FRMD5: variants seen among roughly 807,000 people sequenced by gnomAD.
FRMD5 encodes FERM domain containing 5.
A neutral mutation model predicts 69.0 loss-of-function variants in FRMD5; 20 were observed. The observed-to-expected ratio is 0.29, with a 90% confidence interval of 0.20 to 0.42. The LOEUF (loss-of-function observed/expected upper bound fraction) is 0.42. Among genes scored for constraint, FRMD5 ranks in the 10% least tolerant of loss-of-function variants. The probability of loss-of-function intolerance (pLI) is 1.00; values close to 1 mark genes in which losing one functional copy is unlikely to be tolerated. For synonymous variants in FRMD5, 271 were observed against 260.1 expected, an observed-to-expected ratio of 1.04 and a Z score of -0.40; for missense variants, 595 against 708.6, an observed-to-expected ratio of 0.84 and a Z score of 1.82.
intron 1 of FRMD5, among the ~76,000 whole-genome samples, chr15:43,941,601 T>C (rs1227419373): frequency 6.6e-6 from 1 of 152,214 alleles, no homozygotes; most frequent in Non-Finnish European, 1.5e-5. Context: ...TATGCCCACT[T>C]CTTGAAATAT....
chr15:44,088,948 CCAGT>C (rs375080033), intron 1 of FRMD5, among the ~76,000 whole-genome samples: 9 of 152,208 alleles, frequency 5.9e-5, no homozygotes, highest in African/African-American at 1.7e-4. Flanking sequence ...TTCTCCTGAC[CCAGT>C]CAAAGTGGCT....
At chr15:44,007,082 C>A (rs1890484790) in intron 1 of FRMD5, among the ~76,000 whole-genome samples, 1 of 152,196 alleles carries the variant, frequency 6.6e-6, no homozygotes, top group Non-Finnish European at 1.5e-5. Context: ...CAGCCACCAC[C>A]CTGACCAGTC....
intron 1 of FRMD5, among the ~76,000 whole-genome samples, chr15:44,101,786 T>C (rs1009029649): frequency 6.6e-6 from 1 of 152,258 alleles, no homozygotes; most frequent in African/African-American, 2.4e-5. Flanking sequence ...GTTATGACAT[T>C]GTTTCCTCTG....
intron 1 of FRMD5, among the ~76,000 whole-genome samples, chr15:44,022,466 C>T (rs201655839): frequency 6.7e-5 from 10 of 149,152 alleles, no homozygotes; most frequent in East Asian, 2.0e-4. Context: ...CTCAGCTACT[C>T]GGGAGGCTGA....
chr15:44,087,322 A>G (rs983513523), intron 1 of FRMD5, among the ~76,000 whole-genome samples: 1 of 152,156 alleles, frequency 6.6e-6, no homozygotes, highest in African/African-American at 2.4e-5. Context: ...CGCCCGCCCA[A>G]GTTTTAAAAT....
intron 7 of FRMD5, among the ~76,000 whole-genome samples, chr15:43,893,044 C>T (rs1354943364): frequency 6.6e-6 from 1 of 150,504 alleles, no homozygotes; most frequent in Non-Finnish European, 1.5e-5. Flanking sequence ...GTGGAGGTTG[C>T]AGTGAGCCAA....
intron 1 of FRMD5, among the ~76,000 whole-genome samples, chr15:44,079,144 C>G (rs1039210672): frequency 6.6e-6 from 1 of 151,782 alleles, no homozygotes; most frequent in Non-Finnish European, 1.5e-5. Flanking sequence ...AAACAGATGG[C>G]CAATAAGCAC....
chr15:43,927,558 C>G (rs1275070103), intron 1 of FRMD5, among the ~76,000 whole-genome samples: 1 of 152,200 alleles, frequency 6.6e-6, no homozygotes, highest in Non-Finnish European at 1.5e-5. Context: ...ATTTCAGGTT[C>G]TCTGGGAGCA....
chr15:43,893,259 GA>G (rs1323976110), intron 7 of FRMD5, among the ~76,000 whole-genome samples: 8 of 152,106 alleles, frequency 5.3e-5, no homozygotes, highest in East Asian at 3.9e-4. Flanking sequence ...TTTAGCTGAA[GA>G]AAAAAACAAG....
chr15:44,057,556 C>G (rs1467545741), intron 1 of FRMD5, among the ~76,000 whole-genome samples: 1 of 152,198 alleles, frequency 6.6e-6, no homozygotes, highest in Non-Finnish European at 1.5e-5. Flanking sequence ...AAGCTTCTCA[C>G]TTCTCATCTC....
At chr15:43,976,817 C>T (rs1473275658) in intron 1 of FRMD5, among the ~76,000 whole-genome samples, 1 of 151,726 alleles carries the variant, frequency 6.6e-6, no homozygotes, top group Non-Finnish European at 1.5e-5. Context: ...CAGGCATGTA[C>T]TACCATGACC....
intron 1 of FRMD5, among the ~76,000 whole-genome samples, chr15:44,093,673 C>T (rs1200804555): frequency 2.0e-5 from 3 of 151,636 alleles, no homozygotes; most frequent in South Asian, 2.1e-4. Flanking sequence ...CCCGGGTTCA[C>T]GCCATTCTCC....
intron 1 of FRMD5, among the ~76,000 whole-genome samples, chr15:44,095,206 CTT>C (rs112078242): frequency 3.2e-4 from 46 of 142,708 alleles, no homozygotes; most frequent in Admixed American, 2.8e-4. Flanking sequence ...CAATTTCTTT[CTT>C]TTTTTTTTTT....
At chr15:43,957,667 T>C (rs1452661690) in intron 1 of FRMD5, among the ~76,000 whole-genome samples, 1 of 152,260 alleles carries the variant, frequency 6.6e-6, no homozygotes, top group East Asian at 1.9e-4. Context: ...TTTTAAGCCA[T>C]GCAGCCCCAA....
intron 1 of FRMD5, among the ~76,000 whole-genome samples, chr15:44,101,729 T>C (rs915618404): frequency 6.6e-6 from 1 of 152,238 alleles, no homozygotes; most frequent in African/African-American, 2.4e-5. Context: ...TTACTCTTAG[T>C]TCTTTCTAAA....
intron 1 of FRMD5, among the ~76,000 whole-genome samples, chr15:44,094,415 C>A (rs539881356): frequency 6.6e-6 from 1 of 152,244 alleles, no homozygotes; most frequent in East Asian, 1.9e-4. Flanking sequence ...ACCCCTCTTT[C>A]TGCTAAGGCT....
chr15:44,131,941 T>C (rs2077105614), intron 1 of FRMD5, among the ~76,000 whole-genome samples: 1 of 152,314 alleles, frequency 6.6e-6, no homozygotes, highest in South Asian at 2.1e-4. Context: ...ACTTTATTTC[T>C]ATTATTATTA....
At chr15:43,908,753 AC>A (rs1346180518) in intron 5 of FRMD5, among the ~76,000 whole-genome samples, 1 of 152,178 alleles carries the variant, frequency 6.6e-6, no homozygotes, top group Non-Finnish European at 1.5e-5. Flanking sequence ...TTGCAAAAAA[AC>A]CCAGTCTGGG....
chr15:43,883,087 C>T (rs372496971), intron 13 of FRMD5, among the ~76,000 whole-genome samples: 3 of 151,808 alleles, frequency 2.0e-5, no homozygotes, highest in East Asian at 1.9e-4. Flanking sequence ...TGAGCCACTG[C>T]GCCAGCCCCT....
Sources: allele counts gnomAD v4.1 joint callset (sites outside exome capture counted in the v4.1 genomes callset), GRCh38; gene constraint gnomAD v4.1.1; transcripts MANE v1.5; gene names NCBI Gene and HGNC (gene_info 2026-07-23, HGNC 2026-07-21).